EVI5: variants seen among roughly 807,000 people sequenced by gnomAD.
EVI5 encodes the protein ecotropic viral integration site 5 protein homolog.
A neutral mutation model predicts 112.0 loss-of-function variants in EVI5; 73 were observed. The ratio of observed to expected loss-of-function variants is 0.65; its 90% CI spans 0.54 to 0.79. The LOEUF (loss-of-function observed/expected upper bound fraction) is 0.79. Ranked by LOEUF, EVI5 falls within the 30% of genes least tolerant of loss-of-function variation. The pLI is 0.00. For synonymous variants in EVI5, 305 were observed against 319.9 expected (o/e 0.95, Z 0.50); for missense variants, 900 against 968.8 (o/e 0.93, Z 0.94).
chr1:92,703,530 C>T lies in EVI5; in HGVS notation c.429G>A (p.Gln143=). The change falls in exon 4 of 20, where the codon CAG becomes CAA. Residue 143 remains glutamine (Q), a synonymous_variant. Transcript: ENST00000684568. The part of the protein sequence containing the change: ...CSAQSMPIKD[Q]YSELLKMTSP... The stretch of plus-strand genomic sequence containing the variant: ...AGGTCATTTTCAGGAGTTCTGAATA[C>T]TGATCCTTAATTGGCATACTTTGTG... The T allele has an allele frequency of 6.2e-7, 1 of 1,604,310 alleles. No homozygotes were observed. Among genetic ancestry groups the T allele is most frequent in the Non-Finnish European group, 8.5e-7 (1 of 1,177,408 alleles).
At chr1:92,781,434 G>A (rs1213378988) in intron 1 of EVI5, among the ~76,000 whole-genome samples, 4 of 151,704 alleles carry the variant, frequency 2.6e-5, no homozygotes, top group African/African-American at 7.3e-5. Flanking sequence ...GAATGCTTGA[G>A]CACAGGAGGC....
chr1:92,522,784 G>T (rs1422637123), intron 19 of EVI5, among the ~76,000 whole-genome samples: 1 of 151,960 alleles, frequency 6.6e-6, no homozygotes, highest in African/African-American at 2.4e-5. Context: ...ATGAGACAGG[G>T]TCTCCCACTG....
chr1:92,759,433 G>A (rs1370142029), intron 1 of EVI5, among the ~76,000 whole-genome samples: 2 of 152,150 alleles, frequency 1.3e-5, no homozygotes, highest in African/African-American at 4.8e-5. Flanking sequence ...CTAGCTACAA[G>A]TCCTTAACGG....
Position 92,513,424 on chromosome 1 carries a change from C to T in EVI5, c.*232G>A, listed in dbSNP as rs1384036147. ...AATACTGTTAGAACCTTGTTTTACA[C>T]ATTAACCATATACCAGTCTACTTTA... On this transcript the variant is annotated 3_prime_UTR_variant, in exon 20 of 20. Coordinates refer to ENST00000684568, the MANE Select transcript of EVI5 (RefSeq NM_001350197.2). 1 of 179,420 alleles carries T rather than the reference C, an allele frequency of 5.6e-6. No homozygotes were observed. The highest frequency in any genetic ancestry group is 1.2e-4 in the East Asian group (1 of 8,142). The allele number at this position is 179,420 out of a possible 1,614,324, so 11.1% of individuals were successfully genotyped here. A position where few individuals can be genotyped will look rare whatever the true frequency, so the allele number is the denominator to read the frequency against.
At chr1:92,551,718 T>G (rs778515181) in intron 19 of EVI5, among the ~76,000 whole-genome samples, 2 of 152,178 alleles carry the variant, frequency 1.3e-5, no homozygotes, top group African/African-American at 4.8e-5. Context: ...GGTCTCTTCC[T>G]GGGAATGCTA....
chr1:92,595,403 C>T (rs917408859), intron 18 of EVI5, among the ~76,000 whole-genome samples: 1 of 151,640 alleles, frequency 6.6e-6, no homozygotes, highest in Admixed American at 6.6e-5. Context: ...CATCACACAC[C>T]GAGGCCTGTT....
rs990859762 is a variant in EVI5, at chr1:92,698,453, G to A, written c.640-468C>T. Among the ~76,000 whole-genome samples, 5 of 152,166 alleles carry A rather than the reference G, an allele frequency of 3.3e-5. No homozygotes were observed. In the South Asian group the frequency reaches 1.0e-3, roughly 32 times the overall value. On this transcript the variant is annotated intron_variant, in intron 5 of 19. Coordinates refer to ENST00000684568, the MANE Select transcript of EVI5 (RefSeq NM_001350197.2). ...GGGGAGACACACGGCTATTGATATA[G>A]ATCAGGAAAGGTCCCCTGATACGGT...
At chr1:92,574,085 A>G (rs1365114523) in intron 18 of EVI5, among the ~76,000 whole-genome samples, 1 of 152,106 alleles carries the variant, frequency 6.6e-6, no homozygotes, top group Non-Finnish European at 1.5e-5. Context: ...GTAGAAGAAT[A>G]TTGTACCAAG....
chr1:92,717,097 A>G (rs1041843121), intron 2 of EVI5, among the ~76,000 whole-genome samples: 3 of 152,206 alleles, frequency 2.0e-5, no homozygotes, highest in Non-Finnish European at 4.4e-5. Context: ...AAATGACTTG[A>G]TGGAGCCGAA....
intron 1 of EVI5, among the ~76,000 whole-genome samples, chr1:92,759,923 A>C (rs181930945): frequency 2.2e-3 from 323 of 144,926 alleles, no homozygotes; most frequent in African/African-American, 7.7e-3. Flanking sequence ...GGTTATTTCC[A>C]CCTTTTGACT....
At chr1:92,634,706 T>C (rs1361473043) in intron 14 of EVI5, among the ~76,000 whole-genome samples, 1 of 152,214 alleles carries the variant, frequency 6.6e-6, no homozygotes, top group African/African-American at 2.4e-5. Flanking sequence ...ATTCAGCTTT[T>C]TTCCGGTGCT....
At chr1:92,757,802 T>C (rs1283703364) in intron 1 of EVI5, among the ~76,000 whole-genome samples, 1 of 149,864 alleles carries the variant, frequency 6.7e-6, no homozygotes, top group South Asian at 2.1e-4. Flanking sequence ...CTCAGCAGGC[T>C]GAGGCATAAG....
chr1:92,620,801 G>A (rs1654383598), intron 16 of EVI5, among the ~76,000 whole-genome samples: 2 of 152,068 alleles, frequency 1.3e-5, no homozygotes, highest in South Asian at 2.1e-4. Context: ...CAAAGAAAGA[G>A]TGCTGAAACA....
chr1:92,666,975 A>G (rs1329172316), intron 10 of EVI5, among the ~76,000 whole-genome samples: 1 of 152,188 alleles, frequency 6.6e-6, no homozygotes, highest in Non-Finnish European at 1.5e-5. Context: ...TAAAAAATGC[A>G]CGTTCATAGG....
At chr1:92,516,504 G>A (rs1376842922) in intron 19 of EVI5, among the ~76,000 whole-genome samples, 1 of 152,220 alleles carries the variant, frequency 6.6e-6, no homozygotes, top group African/African-American at 2.4e-5. Flanking sequence ...AAGCGACTAT[G>A]TGGTAAAACT....
At position 92,549,175 on chromosome 1, in the gene EVI5, G is replaced by A. The variant is rs143523287; in HGVS notation, c.2166+14467C>T. 6.6e-5 allele frequency among the ~76,000 whole-genome samples: 10 copies of A among 152,194 alleles called. No individual in the cohort carries two copies. The East Asian group carries it at 1.7e-3, about 26-fold the overall frequency. On this transcript the variant is annotated intron_variant, in intron 19 of 19. Transcript: ENST00000684568. ...ATATAGATCAATGGAATAGAACAGA[G>A]GCCTCAGAAATAATGCCACATGTCT... is the stretch of plus-strand genomic sequence containing the variant.
At chr1:92,592,104 G>A (rs1342952497) in intron 18 of EVI5, among the ~76,000 whole-genome samples, 6 of 152,196 alleles carry the variant, frequency 3.9e-5, no homozygotes, top group African/African-American at 7.2e-5. Flanking sequence ...TTAGCCGGGC[G>A]TGGTAGCAGG....
chr1:92,688,879 T>G (rs957816626), intron 9 of EVI5, among the ~76,000 whole-genome samples: 3 of 152,178 alleles, frequency 2.0e-5, no homozygotes, highest in Non-Finnish European at 4.4e-5. Flanking sequence ...TTTTGAGAGG[T>G]AGGTCCAATT....
chr1:92,679,950 T>A (rs1667335118), intron 9 of EVI5, among the ~76,000 whole-genome samples: 1 of 152,186 alleles, frequency 6.6e-6, no homozygotes, highest in South Asian at 2.1e-4. Flanking sequence ...ATCATCTGGC[T>A]GAAGGAGTAC....
Sources: allele counts gnomAD v4.1 joint callset (sites outside exome capture counted in the v4.1 genomes callset), GRCh38; gene constraint gnomAD v4.1.1; transcripts MANE v1.5; gene names NCBI Gene and HGNC (gene_info 2026-07-23, HGNC 2026-07-21).